SEMA6D: variants seen among roughly 807,000 people sequenced by gnomAD.
The protein encoded by SEMA6D is semaphorin 6D.
SEMA6D carries 35 observed loss-of-function variants against 106.6 expected under a neutral mutation model. The observed-to-expected ratio is 0.33, with a 90% confidence interval of 0.25 to 0.44. The LOEUF (loss-of-function observed/expected upper bound fraction) is 0.44, where lower values mean the gene tolerates loss of function less well. Among genes scored for constraint, SEMA6D ranks in the 20% least tolerant of loss-of-function variants. The pLI is 1.00. For synonymous variants in SEMA6D, 499 were observed against 487.7 expected (o/e 1.02, Z -0.31); for missense variants, 1,185 against 1,345.9 (o/e 0.88, Z 1.87).
intron 4 of SEMA6D, among the ~76,000 whole-genome samples, chr15:47,640,757 C>G (rs1452671275): frequency 6.6e-6 from 1 of 151,974 alleles, no homozygotes; most frequent in Non-Finnish European, 1.5e-5. Flanking sequence ...TCAGCGTTAA[C>G]TAGTCACAAA....
chr15:47,535,234 C>G (rs191495454), intron 3 of SEMA6D, among the ~76,000 whole-genome samples: 4 of 152,212 alleles, frequency 2.6e-5, no homozygotes, highest in Admixed American at 6.5e-5. Flanking sequence ...CTTATGTGTA[C>G]CCGGTGCTGC....
chr15:47,667,805 T>C (rs1454703168), intron 4 of SEMA6D, among the ~76,000 whole-genome samples: 3 of 152,038 alleles, frequency 2.0e-5, no homozygotes, highest in Non-Finnish European at 4.4e-5. Context: ...ACATATGAAT[T>C]TGGGGGGATG....
chr15:47,338,836 C>T (rs185841393), intron 1 of SEMA6D, among the ~76,000 whole-genome samples: 181 of 152,276 alleles, frequency 1.2e-3, no homozygotes, highest in African/African-American at 4.1e-3. Flanking sequence ...CTTCTCCTGT[C>T]GTCCTTTCAT....
At chr15:47,348,727 C>CCACACAGAGAGAGAGAGAGAGAGAG (rs1555425939) in intron 1 of SEMA6D, among the ~76,000 whole-genome samples, 29 of 57,110 alleles carry the variant, frequency 5.1e-4, no homozygotes, top group Non-Finnish European at 1.0e-3. Flanking sequence ...ACCACACACA[C>CCACACAGAGAGAGAGAGAGAGAGAG]AGAGAGAGAG....
At chr15:47,497,610 T>C (rs1432290623) in intron 3 of SEMA6D, among the ~76,000 whole-genome samples, 5 of 152,102 alleles carry the variant, frequency 3.3e-5, no homozygotes, top group African/African-American at 1.2e-4. Context: ...AGTAGATTCT[T>C]AAAAATATTT....
chr15:47,575,259 C>A (rs1404176545), intron 3 of SEMA6D, among the ~76,000 whole-genome samples: 1 of 152,188 alleles, frequency 6.6e-6, no homozygotes, highest in African/African-American at 2.4e-5. Flanking sequence ...CAACACATAA[C>A]CTTTCTGAAA....
At chr15:47,264,456 A>G (rs1204682889) in intron 1 of SEMA6D, among the ~76,000 whole-genome samples, 1 of 151,988 alleles carries the variant, frequency 6.6e-6, no homozygotes, top group Non-Finnish European at 1.5e-5. Flanking sequence ...ATGTTTAATC[A>G]TTGCAGAAGT....
chr15:47,766,997 G>C (rs374842709), intron 16 of SEMA6D, 40 bp from the exon 17 acceptor site: 2 of 1,232,970 alleles, frequency 1.6e-6, no homozygotes, highest in Non-Finnish European at 2.2e-6. Flanking sequence ...CTTTCTTTTG[G>C]TTACTTTTCA....
At chr15:47,446,394 A>G (rs1190512332) in intron 2 of SEMA6D, among the ~76,000 whole-genome samples, 5 of 152,146 alleles carry the variant, frequency 3.3e-5, no homozygotes, top group African/African-American at 1.2e-4. Flanking sequence ...TGCACATATT[A>G]TTATGTTCTG....
intron 4 of SEMA6D, among the ~76,000 whole-genome samples, chr15:47,610,003 C>T (rs1309390225): frequency 6.6e-6 from 1 of 152,212 alleles, no homozygotes; most frequent in Non-Finnish European, 1.5e-5. Context: ...TCATTATCTC[C>T]TGGTGGCTGC....
intron 2 of SEMA6D, among the ~76,000 whole-genome samples, chr15:47,457,391 AAC>A (rs2042375912): frequency 6.6e-6 from 1 of 152,040 alleles, no homozygotes; most frequent in South Asian, 2.1e-4. Flanking sequence ...TCAGAAAAAA[AAC>A]ACAGATGAAA....
intron 4 of SEMA6D, among the ~76,000 whole-genome samples, chr15:47,683,756 A>G (rs1345276183): frequency 1.3e-5 from 2 of 152,248 alleles, no homozygotes; most frequent in Non-Finnish European, 2.9e-5. Flanking sequence ...TTACCAGCAC[A>G]TGAATGATTC....
At chr15:47,516,420 T>G (rs2044389527) in intron 3 of SEMA6D, among the ~76,000 whole-genome samples, 1 of 152,222 alleles carries the variant, frequency 6.6e-6, no homozygotes, top group Admixed American at 6.5e-5. Context: ...CTAGTCAACT[T>G]ACTTTTCAAT....
chr15:47,701,487 C>A (rs957820290), intron 4 of SEMA6D, among the ~76,000 whole-genome samples: 45 of 152,132 alleles, frequency 3.0e-4, no homozygotes, highest in African/African-American at 1.1e-3. Flanking sequence ...TCTATTCTTG[C>A]AAATTGCTAA....
intron 1 of SEMA6D, among the ~76,000 whole-genome samples, chr15:47,743,412 G>A (rs972955823): frequency 1.3e-4 from 20 of 151,954 alleles, no homozygotes; most frequent in African/African-American, 3.1e-4. Context: ...GCACAGGGTC[G>A]CACACAGAAA....
At chr15:47,288,874 TAATTC>T (rs2035483046) in intron 1 of SEMA6D, among the ~76,000 whole-genome samples, 3 of 152,308 alleles carry the variant, frequency 2.0e-5, no homozygotes, top group African/African-American at 7.2e-5. Flanking sequence ...AGTATTGAAA[TAATTC>T]TGATTGGGAG....
At chr15:47,357,655 G>T (rs940777161) in intron 1 of SEMA6D, among the ~76,000 whole-genome samples, 2 of 152,210 alleles carry the variant, frequency 1.3e-5, no homozygotes, top group African/African-American at 4.8e-5. Context: ...CATTCTAGCC[G>T]TGCTGGCAGC....
intron 3 of SEMA6D, among the ~76,000 whole-genome samples, chr15:47,565,559 A>C (rs563492046): frequency 6.6e-6 from 1 of 152,220 alleles, no homozygotes; most frequent in Non-Finnish European, 1.5e-5. Flanking sequence ...TGTATGATAC[A>C]TGCACTCTGT....
Position 47,277,928 on chromosome 15 carries a change from C to T in SEMA6D, c.-239+93510C>T, listed in dbSNP as rs2034913299. On this transcript the variant is annotated intron_variant, in intron 1 of 19. Coordinates refer to the SEMA6D transcript ENST00000558014. ...ATTTCCAATTTCATCCATGTCCCTA[C>T]AAAGGACATGAACTCATCATTTTTT... Among the ~76,000 whole-genome samples, 3 of 151,830 alleles carry T rather than the reference C, an allele frequency of 2.0e-5. No homozygotes were observed. The South Asian group carries it at 6.3e-4, about 32-fold the overall frequency.
Sources: allele counts gnomAD v4.1 joint callset (sites outside exome capture counted in the v4.1 genomes callset), GRCh38; gene constraint gnomAD v4.1.1; transcripts MANE v1.5; gene names NCBI Gene and HGNC (gene_info 2026-07-23, HGNC 2026-07-21).